LRRC43: variants seen among roughly 807,000 people sequenced by gnomAD.
LRRC43 encodes the protein leucine rich repeat containing 43, also known as leucine-rich repeat-containing protein 43.
A neutral mutation model predicts 64.3 loss-of-function variants in LRRC43; 62 were observed. That is an observed-to-expected ratio of 0.96 (90% CI 0.79 to 1.19). LRRC43 has a LOEUF of 1.19. LRRC43 is among the 50% of genes most tolerant of loss of function. The pLI is 0.00. For missense variants in LRRC43, 868 were observed against 845.0 expected (o/e 1.03, Z -0.34); for synonymous variants, 422 against 382.3 (o/e 1.10, Z -1.21).
At chr12:122,182,425 G>A (rs184931599), upstream of LRRC43, among the ~76,000 whole-genome samples, 955 of 151,562 alleles carry the variant, frequency 6.3e-3, 9 homozygotes, top group African/African-American at 0.022. Context: ...GGGAGGCTGA[G>A]GCAGGAGAAT....
At chr12:122,198,494 G>T (rs1473391593) in intron 7 of LRRC43, among the ~76,000 whole-genome samples, 2 of 151,958 alleles carry the variant, frequency 1.3e-5, no homozygotes, top group African/African-American at 2.4e-5. Context: ...CTGTGGATTT[G>T]CCTGTTCTGG....
chr12:122,173,458 C>T (rs1217962225), intron 1 of LRRC43, among the ~76,000 whole-genome samples: 1 of 152,122 alleles, frequency 6.6e-6, no homozygotes, highest in Non-Finnish European at 1.5e-5. Flanking sequence ...CCAAGGCAGG[C>T]GGATCACTTG....
intron 1 of LRRC43, among the ~76,000 whole-genome samples, chr12:122,169,798 A>G (rs1953469766): frequency 6.9e-6 from 1 of 145,438 alleles, no homozygotes; most frequent in Non-Finnish European, 1.5e-5. Flanking sequence ...TCAACCATTT[A>G]TTTTGTTGTT....
upstream of LRRC43, among the ~76,000 whole-genome samples, chr12:122,180,172 G>A (rs1435621264): frequency 6.6e-6 from 1 of 152,060 alleles, no homozygotes; most frequent in Non-Finnish European, 1.5e-5. Flanking sequence ...GGGAGAGTTT[G>A]AATAAATTTT....
At chr12:122,183,783 C>T (rs1953609096) in intron 1 of LRRC43, among the ~76,000 whole-genome samples, 1 of 152,140 alleles carries the variant, frequency 6.6e-6, no homozygotes, top group Non-Finnish European at 1.5e-5. Context: ...CCACGAGGGG[C>T]GCCCAGGTGT....
chr12:122,191,283 A>C, intron 5 of LRRC43, 97 bp from the exon 6 acceptor site: 22 of 1,020,640 alleles, frequency 2.2e-5, no homozygotes, highest in Non-Finnish European at 3.1e-5. Context: ...TGAGTGCTGG[A>C]GAGAATCTAG....
chr12:122,186,359 T>G (rs1953644680), intron 3 of LRRC43, 59 bp downstream of exon 3: 1 of 1,106,138 alleles, frequency 9.0e-7, no homozygotes, highest in Non-Finnish European at 1.3e-6. Flanking sequence ...AGGCCTTGCC[T>G]TACCCTGCCC....
At chr12:122,196,584 A>G (rs566605503) in intron 7 of LRRC43, among the ~76,000 whole-genome samples, 5 of 152,182 alleles carry the variant, frequency 3.3e-5, no homozygotes, top group Middle Eastern at 3.4e-3. Context: ...TCTGGCCAAC[A>G]TGGTGAAACC....
intron 11 of LRRC43, chr12:122,202,238 T>G (rs1953849803): frequency 6.6e-6 from 1 of 152,188 alleles, no homozygotes; most frequent in South Asian, 2.1e-4. Context: ...AATGTTTGGC[T>G]TAATTGAAGA....
Position 122,200,746 on chromosome 12 carries a change from G to T in LRRC43, c.1621G>T (p.Glu541Ter), listed in dbSNP as rs1412395231. 1 of 1,613,026 alleles carries T rather than the reference G, an allele frequency of 6.2e-7. No individual in the cohort carries two copies. Among genetic ancestry groups the T allele is most frequent in the Non-Finnish European group, 8.5e-7 (1 of 1,180,022 alleles). ...CCCTCCTGTCCTCCCGTCGTCGCAG[G>T]AGTGGAAGGTGCTGAAGAAGAAGAA... ...TGKGEKEPAK[E>*]WKVLKKKKEP... The change falls in exon 10 of 12, where the codon GAG becomes TAG. Residue 541 changes from glutamate to a stop codon, truncating the protein, a stop_gained and splice_region_variant. Transcript: ENST00000339777. LOFTEE classifies it high-confidence loss of function. The surrounding 1 kb of genome is among the most constrained non-coding windows in gnomAD (Gnocchi z 4.6).
upstream of LRRC43, among the ~76,000 whole-genome samples, chr12:122,181,340 G>A (rs1173682202): frequency 6.6e-6 from 1 of 151,738 alleles, no homozygotes. Flanking sequence ...TCAGGAGATC[G>A]AGACCATCCT....
intron 4 of LRRC43, among the ~76,000 whole-genome samples, chr12:122,188,727 C>T (rs1395556479): frequency 3.9e-5 from 6 of 152,212 alleles, no homozygotes; most frequent in Non-Finnish European, 8.8e-5. Context: ...AGGCGTGAGC[C>T]ACCGCACTTG....
chr12:122,200,366 G>T lies in LRRC43; in HGVS notation c.1491+36G>T, dbSNP rs554064952. 1 of 1,608,480 alleles carries T rather than the reference G, an allele frequency of 6.2e-7. No homozygotes were observed. Among genetic ancestry groups the T allele is most frequent in the East Asian group, 2.2e-5 (1 of 44,854 alleles). Reference sequence around the variant, plus strand: ...GGAGGCAGTGCCCGGCCATCCACAGGCTGCACTTCTGTCCTTGTTCCTGTT... The same window carrying T: ...GGAGGCAGTGCCCGGCCATCCACAGTCTGCACTTCTGTCCTTGTTCCTGTT... On this transcript the variant is annotated intron_variant, in intron 8 of 11. Coordinates refer to ENST00000339777, the MANE Select transcript of LRRC43 (RefSeq NM_001098519.2). This position sits in a 1 kb window ranked among gnomAD's most constrained non-coding sequence, Gnocchi z 4.6.
At chr12:122,185,100 G>A (rs967102701) in intron 2 of LRRC43, among the ~76,000 whole-genome samples, 1 of 152,178 alleles carries the variant, frequency 6.6e-6, no homozygotes, top group Admixed American at 6.5e-5. Context: ...CGTTTAAACC[G>A]TGGGGGTCAG....
intron 1 of LRRC43, among the ~76,000 whole-genome samples, chr12:122,171,296 C>A (rs1383728541): frequency 6.6e-6 from 1 of 152,236 alleles, no homozygotes; most frequent in Admixed American, 6.5e-5. Context: ...AAGTGACTGA[C>A]TGACTTCCTG....
intron 1 of LRRC43, among the ~76,000 whole-genome samples, chr12:122,170,666 T>TAGAAATACCTGTG (rs577357910): frequency 0.014 from 2,121 of 152,046 alleles, 46 homozygotes; most frequent in African/African-American, 0.049. Context: ...GGGGCTGCAG[T>TAGAAATACCTGTG]AGAAATACCT....
At chr12:122,193,381 TA>T (rs34910328) in intron 7 of LRRC43, among the ~76,000 whole-genome samples, 10,903 of 46,476 alleles carry the variant, frequency 0.23, 230 homozygotes, top group East Asian at 0.43. Context: ...CTCCGTCTCA[TA>T]AAAAAAAAAA....
chr12:122,188,690 T>C (rs1953676662), intron 4 of LRRC43, among the ~76,000 whole-genome samples: 1 of 149,174 alleles, frequency 6.7e-6, no homozygotes, highest in East Asian at 2.0e-4. Context: ...ATCCACTTAC[T>C]TTGGCCTCCC....
chr12:122,200,058 C>G lies in LRRC43; in HGVS notation c.1350-131C>G, dbSNP rs1246447978. 2 of 990,324 alleles carry G rather than the reference C, an allele frequency of 2.0e-6. No homozygotes were observed. Among genetic ancestry groups the G allele is most frequent in the Non-Finnish European group, 3.0e-6 (2 of 666,740 alleles). The allele number at this position is 990,324 out of a possible 1,614,324, so 61.3% of individuals were successfully genotyped here. A position where few individuals can be genotyped will look rare whatever the true frequency, so the allele number is the denominator to read the frequency against. On this transcript the variant is annotated intron_variant, in intron 7 of 11. Coordinates refer to ENST00000339777, the MANE Select transcript of LRRC43 (RefSeq NM_001098519.2). The surrounding 1 kb of genome is among the most constrained non-coding windows in gnomAD (Gnocchi z 4.6). Reference sequence around the variant, plus strand: ...TTGCCCTGCCTGGTGGCAGCCGGACCTCACGTCTCATGCTGTTTGTGGGCT... The same window carrying G: ...TTGCCCTGCCTGGTGGCAGCCGGACGTCACGTCTCATGCTGTTTGTGGGCT...
Sources: gnomAD v4.1 joint callset for allele counts (sites outside exome capture counted in the v4.1 genomes callset) on GRCh38, gnomAD v4.1.1 for gene constraint, Gnocchi (gnomAD v3.1) non-coding constraint, MANE v1.5 for transcripts, NCBI Gene and HGNC (gene_info 2026-07-23, HGNC 2026-07-21) for gene names.